Variants in RAPGEF2 observed in about 807,000 individuals in gnomAD.
RAPGEF2 encodes the protein PDZ domain containing guanine nucleotide exchange factor (GEF) 1.
In RAPGEF2, 54 loss-of-function variants were observed where a neutral mutation model predicts 186.7. The observed-to-expected ratio is 0.29, with a 90% CI of 0.23 to 0.36. RAPGEF2 has a LOEUF of 0.36. Among genes scored for constraint, RAPGEF2 ranks in the 10% least tolerant of loss-of-function variants. RAPGEF2 has a pLI of 1.00. For synonymous variants in RAPGEF2, 712 were observed against 705.9 expected (o/e 1.01, Z -0.14); for missense variants, 1,532 against 2,045.0 (o/e 0.75, Z 4.84).
intron 7 of RAPGEF2, among the ~76,000 whole-genome samples, chr4:159,293,849 ACT>A (rs1761560351): frequency 6.6e-6 from 1 of 151,852 alleles, no homozygotes. Context: ...TCCAACAGAG[ACT>A]CTCTTTAATG....
chr4:159,152,728 C>G (rs1250219069), intron 1 of RAPGEF2, among the ~76,000 whole-genome samples: 1 of 152,196 alleles, frequency 6.6e-6, no homozygotes, highest in African/African-American at 2.4e-5. Context: ...CGCCATTCTC[C>G]TGCCTCAGCC....
intron 4 of RAPGEF2, among the ~76,000 whole-genome samples, chr4:159,238,447 T>C (rs1356917948): frequency 6.6e-6 from 1 of 152,220 alleles, no homozygotes; most frequent in African/African-American, 2.4e-5. Flanking sequence ...TTGGGACATT[T>C]CTATAGTTTG....
chr4:159,237,240 C>G (rs142802972), intron 4 of RAPGEF2, among the ~76,000 whole-genome samples: 1 of 152,022 alleles, frequency 6.6e-6, no homozygotes, highest in East Asian at 1.9e-4. Flanking sequence ...AAGCTGGTCT[C>G]GAACTCCTGG....
intron 24 of RAPGEF2, 71 bp from the exon 25 acceptor site, chr4:159,346,718 A>G (rs1730361655): frequency 1.6e-6 from 2 of 1,287,876 alleles, no homozygotes; most frequent in East Asian, 4.6e-5. Flanking sequence ...ACACAGTTCT[A>G]GAATTATCTT....
intron 26 of RAPGEF2, chr4:159,351,302 C>CTT (rs201045411): frequency 6.1e-4 from 547 of 892,192 alleles, no homozygotes; most frequent in African/African-American, 2.7e-3. Context: ...TTTTCTGAAA[C>CTT]TTTTTTTTTT....
intron 1 of RAPGEF2, among the ~76,000 whole-genome samples, chr4:159,133,798 TGGTCTC>T (rs1741385537): frequency 6.6e-6 from 1 of 152,118 alleles, no homozygotes. Flanking sequence ...TTAGCCAGGA[TGGTCTC>T]GATCTCCTGA....
At chr4:159,260,590 A>G (rs1756715132) in intron 7 of RAPGEF2, among the ~76,000 whole-genome samples, 1 of 152,152 alleles carries the variant, frequency 6.6e-6, no homozygotes, top group South Asian at 2.1e-4. Flanking sequence ...TATAACCACT[A>G]ACATTCAGCC....
chr4:159,302,269 G>C (rs1003560369), intron 7 of RAPGEF2, among the ~76,000 whole-genome samples: 7 of 152,146 alleles, frequency 4.6e-5, no homozygotes, highest in African/African-American at 7.2e-5. Context: ...AGAGAAGAGA[G>C]TTCTGTGAGA....
At chr4:159,261,264 G>A (rs915447065) in intron 7 of RAPGEF2, among the ~76,000 whole-genome samples, 3 of 151,010 alleles carry the variant, frequency 2.0e-5, no homozygotes, top group South Asian at 4.2e-4. Flanking sequence ...GGGTTTCACT[G>A]TGTTAGCCAG....
chr4:159,359,142 GTTTTTTGT>G lies in RAPGEF2; in HGVS notation c.*1018_*1025del, dbSNP rs554509651. On this transcript the variant is annotated 3_prime_UTR_variant, in exon 30 of 30. Coordinates refer to ENST00000691494, the MANE Select transcript of RAPGEF2 (RefSeq NM_001394067.2). ...TTGTTAATTTAGAGGTGTAGGTTTT[GTTTTTTGT>G]TTTTTTGTTTTTTTTTAAGAGAAAC... 2,259 of 108,378 alleles carry G rather than the reference GTTTTTTGT, an allele frequency of 0.021. 28 individuals are homozygous for G. The highest frequency in any genetic ancestry group is 0.036 in the Non-Finnish European group (1,650 of 45,478). 6.7% of individuals were successfully genotyped at this position (108,378 alleles called of 1,614,324 possible).
intron 4 of RAPGEF2, among the ~76,000 whole-genome samples, chr4:159,211,116 G>T (rs1750483772): frequency 6.6e-6 from 1 of 152,198 alleles, no homozygotes; most frequent in Non-Finnish European, 1.5e-5. Context: ...TCTTTGGCTT[G>T]TATGTGCTGA....
chr4:159,340,667 C>CCACACACACACACACACACACACA (rs3071283), intron 19 of RAPGEF2, among the ~76,000 whole-genome samples: 1 of 76,846 alleles, frequency 1.3e-5, no homozygotes, highest in Non-Finnish European at 2.6e-5. Flanking sequence ...ACCACCATCA[C>CCACACACACACACACACACACACA]CACACACACA....
At chr4:159,193,902 G>T (rs1385609200) in intron 3 of RAPGEF2, among the ~76,000 whole-genome samples, 1 of 152,162 alleles carries the variant, frequency 6.6e-6, no homozygotes, top group East Asian at 1.9e-4. Context: ...TTATTATAGG[G>T]AATATTTATT....
intron 7 of RAPGEF2, among the ~76,000 whole-genome samples, chr4:159,300,370 G>A (rs1324536440): frequency 1.3e-5 from 2 of 151,486 alleles, no homozygotes; most frequent in Non-Finnish European, 2.9e-5. Context: ...ATTCACAGGT[G>A]GTGTTTTTTA....
At chr4:159,199,600 A>G (rs1006764588) in intron 3 of RAPGEF2, among the ~76,000 whole-genome samples, 1 of 152,070 alleles carries the variant, frequency 6.6e-6, no homozygotes, top group Non-Finnish European at 1.5e-5. Context: ...CTTCGTATCA[A>G]TTTTCTGTGA....
intron 4 of RAPGEF2, among the ~76,000 whole-genome samples, chr4:159,219,960 A>G (rs1022462103): frequency 2.6e-5 from 4 of 152,218 alleles, no homozygotes; most frequent in African/African-American, 9.6e-5. Flanking sequence ...GATCCTCCTC[A>G]TGTGCTATCA....
chr4:159,355,834 T>C lies in RAPGEF2; in HGVS notation c.4652-19T>C. On this transcript the variant is annotated intron_variant, in intron 28 of 29. Transcript: ENST00000691494. Reference sequence around the variant, plus strand: ...GGCATGAACTAGTTTTTAATGCTGGTGCATTGTTTCTACTCTAGCACGAAA... The same window carrying C: ...GGCATGAACTAGTTTTTAATGCTGGCGCATTGTTTCTACTCTAGCACGAAA... 3.3e-6 allele frequency: 5 copies of C among 1,527,668 alleles called. No homozygotes were observed. The highest frequency in any genetic ancestry group is 4.4e-6 in the Non-Finnish European group (5 of 1,131,280). 94.6% of individuals were successfully genotyped at this position (1,527,668 alleles called of 1,614,324 possible). A position where few individuals can be genotyped will look rare whatever the true frequency, so the allele number is the denominator to read the frequency against.
chr4:159,219,950 G>T (rs1751378171), intron 4 of RAPGEF2, among the ~76,000 whole-genome samples: 3 of 152,330 alleles, frequency 2.0e-5, no homozygotes, highest in African/African-American at 7.2e-5. Context: ...CTAAAAGAGA[G>T]ATCCTCCTCA....
intron 7 of RAPGEF2, among the ~76,000 whole-genome samples, chr4:159,251,306 T>C (rs1755350754): frequency 6.6e-6 from 1 of 152,220 alleles, no homozygotes; most frequent in Admixed American, 6.5e-5. Flanking sequence ...GCCCAAGGGC[T>C]GAGGAGTGCA....
Sources: allele counts gnomAD v4.1 joint callset (sites outside exome capture counted in the v4.1 genomes callset), GRCh38; gene constraint gnomAD v4.1.1; transcripts MANE v1.5; gene names NCBI Gene and HGNC (gene_info 2026-07-23, HGNC 2026-07-21).